Variants in SYTL2 observed in about 807,000 individuals in gnomAD.
The protein encoded by SYTL2 is synaptotagmin-like protein 2.
A neutral mutation model predicts 198.7 loss-of-function variants in SYTL2; 165 were observed. The ratio of observed to expected loss-of-function variants is 0.83; its 90% confidence interval spans 0.73 to 0.94. The LOEUF is 0.94. Ranked by LOEUF, SYTL2 falls within the 40% of genes least tolerant of loss-of-function variation. SYTL2 has a pLI of 0.00. For synonymous variants in SYTL2, 966 were observed against 917.7 expected, an observed-to-expected ratio of 1.05 and a Z score of -0.95; for missense variants, 2,835 against 2,582.8, an observed-to-expected ratio of 1.10 and a Z score of -2.12.
chr11:85,699,893 G>C (rs1313938217), intron 17 of SYTL2, among the ~76,000 whole-genome samples: 1 of 152,172 alleles, frequency 6.6e-6, no homozygotes, highest in East Asian at 1.9e-4. Context: ...ATGAGACCCT[G>C]AGAGTGGAGG....
chr11:85,730,326 T>C lies in SYTL2; in HGVS notation c.1391-2359A>G, dbSNP rs117810153. ...TTCAGACCAATATCCCTGATGAACATTGATACCAACATTCTCAATAAAATA... is the reference window on the plus strand; with the variant it reads ...TTCAGACCAATATCCCTGATGAACACTGATACCAACATTCTCAATAAAATA... On this transcript the variant is annotated intron_variant, in intron 7 of 19. Transcript: ENST00000359152. Among the ~76,000 whole-genome samples, 311 of 152,278 alleles carry C rather than the reference T, an allele frequency of 2.0e-3. 3 individuals are homozygous for C. The highest frequency in any genetic ancestry group is 3.8e-3 in the Non-Finnish European group (257 of 68,022).
upstream of SYTL2, among the ~76,000 whole-genome samples, chr11:85,813,111 C>T (rs1158513478): frequency 1.3e-5 from 2 of 152,118 alleles, no homozygotes; most frequent in African/African-American, 4.8e-5. Context: ...TCACAGGATC[C>T]TTGCTTCAGG....
chr11:85,842,758 T>A, the SYTL2 span, among the ~76,000 whole-genome samples: 1 of 152,100 alleles, frequency 6.6e-6, no homozygotes, highest in Non-Finnish European at 1.5e-5. Context: ...TCATTTATGG[T>A]CTTAAACAAG....
chr11:85,727,978 G>T lies in SYTL2; in HGVS notation c.1391-11C>A. ...AATGAGACAGTTCATCTGCAACATAGAAATACTTTTCTAAATAAGAAAAGA... is the reference window on the plus strand; with the variant it reads ...AATGAGACAGTTCATCTGCAACATATAAATACTTTTCTAAATAAGAAAAGA... On this transcript the variant is annotated splice_polypyrimidine_tract_variant and intron_variant, in intron 7 of 19. Transcript: ENST00000359152. The T allele has an allele frequency of 6.4e-7, 1 of 1,560,336 alleles. No homozygotes were observed. Among genetic ancestry groups the T allele is most frequent in the Non-Finnish European group, 8.6e-7 (1 of 1,158,198 alleles).
Position 85,726,064 on chromosome 11 carries a change from A to G in SYTL2, c.3294T>C (p.Ile1098=). 6 of 1,613,306 alleles carry G rather than the reference A, an allele frequency of 3.7e-6. No individual in the cohort carries two copies. The highest frequency in any genetic ancestry group is 5.1e-6 in the Non-Finnish European group (6 of 1,179,670). ...TTTCTTCCTTAAACACTGGAGTAAC[A>G]ATCCCTTCCGTATTCTTTTCCACAT... is the stretch of plus-strand genomic sequence containing the variant. The part of the protein sequence containing the change: ...KENVEKNTEG[I]VTPVFKEEKD... Residue 1098 remains isoleucine (I), a synonymous_variant, in exon 8 of 20, where the codon ATT becomes ATC. Transcript: ENST00000359152.
At chr11:85,796,330 A>G (rs2092803911) in intron 1 of SYTL2, among the ~76,000 whole-genome samples, 1 of 152,246 alleles carries the variant, frequency 6.6e-6, no homozygotes, top group African/African-American at 2.4e-5. Flanking sequence ...CTGACACACC[A>G]TAGAAACTTA....
chr11:85,831,973 T>C, the SYTL2 span, among the ~76,000 whole-genome samples: 1 of 152,228 alleles, frequency 6.6e-6, no homozygotes, highest in Non-Finnish European at 1.5e-5. Context: ...TTTAAGTCTG[T>C]ATCACTTTTA....
intron 14 of SYTL2, among the ~76,000 whole-genome samples, 172 bp from the exon 15 acceptor site, chr11:85,707,703 G>C (rs573549072): frequency 2.0e-5 from 3 of 152,024 alleles, no homozygotes; most frequent in Non-Finnish European, 4.4e-5. Context: ...ATGTGTAAAG[G>C]GTTTTAGTGG....
rs112434924 is a variant in SYTL2, at chr11:85,694,987, T to G, written c.*208A>C. 2 of 407,174 alleles carry G rather than the reference T, an allele frequency of 4.9e-6. No individual in the cohort carries two copies. Among genetic ancestry groups the G allele is most frequent in the Non-Finnish European group, 8.6e-6 (2 of 233,444 alleles). The allele number at this position is 407,174 out of a possible 1,614,324, so 25.2% of individuals were successfully genotyped here. A position where few individuals can be genotyped will look rare whatever the true frequency, so the allele number is the denominator to read the frequency against. On this transcript the variant is annotated 3_prime_UTR_variant, in exon 20 of 20. Coordinates refer to ENST00000359152, the MANE Select transcript of SYTL2 (RefSeq NM_206927.4). ...CTTGTTCAAATATCTTATTTAATAT[T>G]AGAGTCACAAATTACACATTTTGTT...
the SYTL2 span, among the ~76,000 whole-genome samples, chr11:85,833,802 G>T: frequency 6.8e-6 from 1 of 147,732 alleles, no homozygotes; most frequent in African/African-American, 2.5e-5. Context: ...GTAGTGGTAC[G>T]ATCGTGGCTC....
chr11:85,700,321 CTTTTTT>C (rs10607209), intron 17 of SYTL2, among the ~76,000 whole-genome samples, 188 bp downstream of exon 17: 2 of 137,818 alleles, frequency 1.5e-5, no homozygotes, highest in African/African-American at 5.2e-5. Flanking sequence ...TTTATGTTTT[CTTTTTT>C]TTTTTTTTTT....
intron 7 of SYTL2, among the ~76,000 whole-genome samples, chr11:85,729,076 C>A (rs2089537501): frequency 6.6e-6 from 1 of 152,118 alleles, no homozygotes; most frequent in East Asian, 1.9e-4. Flanking sequence ...ACAGGAGCAC[C>A]CAGATTCATA....
chr11:85,744,835 G>C (rs920681248), intron 4 of SYTL2, among the ~76,000 whole-genome samples: 1 of 152,134 alleles, frequency 6.6e-6, no homozygotes, highest in Non-Finnish European at 1.5e-5. Flanking sequence ...TCAAGGAACA[G>C]ACACCCATGA....
chr11:85,753,944 A>G (rs2091706301), intron 2 of SYTL2, among the ~76,000 whole-genome samples: 1 of 152,114 alleles, frequency 6.6e-6, no homozygotes, highest in Non-Finnish European at 1.5e-5. Flanking sequence ...TTCTAAAGTG[A>G]TATCTGGTCT....
Position 85,734,442 on chromosome 11 carries a change from G to A in SYTL2, c.887C>T (p.Pro296Leu). 1.2e-6 allele frequency: 2 copies of A among 1,614,172 alleles called. No individual in the cohort carries two copies. The highest frequency in any genetic ancestry group is 1.7e-6 in the Non-Finnish European group (2 of 1,180,036). ...ETLRYNHNFEPKSKIVSPGLT... is the reference protein window; with the variant it reads ...ETLRYNHNFELKSKIVSPGLT... ...GCCAGGTGACACAATTTTGCTTTTG[G>A]GTTCAAAGTTGTGATTATAACGAAG... is the stretch of plus-strand genomic sequence containing the variant. Residue 296 changes from proline (P) to leucine (L), a missense_variant, in exon 7 of 20, where the codon CCC becomes CTC. Physicochemically the swap from Pro to Leu is moderately conservative, Grantham distance 98. Around this residue, in one of 3 missense-constraint regions of SYTL2, gnomAD observed 2,645 missense variants for 2,381.7 expected, o/e 1.11. Coordinates refer to ENST00000359152, the MANE Select transcript of SYTL2 (RefSeq NM_206927.4).
intron 16 of SYTL2, among the ~76,000 whole-genome samples, chr11:85,702,618 A>G (rs548951041): frequency 6.6e-6 from 1 of 152,352 alleles, no homozygotes; most frequent in East Asian, 1.9e-4. Context: ...AAACTAGACC[A>G]GATCACATGA....
intron 1 of SYTL2, among the ~76,000 whole-genome samples, chr11:85,801,011 A>G (rs897883857): frequency 8.5e-5 from 13 of 152,234 alleles, no homozygotes; most frequent in African/African-American, 3.1e-4. Flanking sequence ...ACACAGGGCT[A>G]GAAACACAGA....
chr11:85,791,928 T>C (rs930041879), intron 1 of SYTL2, among the ~76,000 whole-genome samples: 2 of 152,056 alleles, frequency 1.3e-5, no homozygotes, highest in Non-Finnish European at 2.9e-5. Flanking sequence ...TGCGATAGGA[T>C]TACAAAAGTT....
chr11:85,726,158 A>G lies in SYTL2; in HGVS notation c.3200T>C (p.Ile1067Thr), dbSNP rs1350438996. Residue 1067 changes from isoleucine (I) to threonine (T), a missense_variant, in exon 8 of 20, where the codon ATC becomes ACC. Physicochemically the swap from Ile to Thr is moderately conservative, Grantham distance 89 (BLOSUM62 -1). Transcript: ENST00000359152. ...KGILQVLPDE[I>T]TFPLSPLRKY... ...TCTAAGTGGACTCAAAGGAAATGTG[A>G]TTTCATCTGGTAGCACCTGGAGTAT... The G allele has an allele frequency of 6.2e-7, 1 of 1,613,938 alleles. No individual in the cohort carries two copies. The highest frequency in any genetic ancestry group is 8.5e-7 in the Non-Finnish European group (1 of 1,179,980).
Sources: allele counts gnomAD v4.1 joint callset (sites outside exome capture counted in the v4.1 genomes callset), GRCh38; gene constraint gnomAD v4.1.1; regional missense constraint gnomAD v4.1.1; transcripts MANE v1.5; gene names NCBI Gene and HGNC (gene_info 2026-07-23, HGNC 2026-07-21).